CACNA1E: variants seen among roughly 807,000 people sequenced by gnomAD.
The protein encoded by CACNA1E is voltage-dependent R-type calcium channel subunit alpha-1E.
In CACNA1E, 40 loss-of-function variants were observed where a neutral mutation model predicts 259.2. That is an observed-to-expected ratio of 0.15 (90% CI 0.12 to 0.20). CACNA1E has a LOEUF of 0.20. Among genes scored for constraint, CACNA1E ranks in the 10% least tolerant of loss-of-function variants. The pLI is 1.00. For missense variants in CACNA1E, 1,874 were observed against 3,040.1 expected, an observed-to-expected ratio of 0.62 and a Z score of 9.02; for synonymous variants, 1,104 against 1,138.5, an observed-to-expected ratio of 0.97 and a Z score of 0.61.
chr1:181,782,015 A>G (rs1660471476), intron 39 of CACNA1E, among the ~76,000 whole-genome samples: 1 of 152,244 alleles, frequency 6.6e-6, no homozygotes, highest in East Asian at 1.9e-4. Flanking sequence ...AATTTTTAGG[A>G]GAGAGGAAAA....
chr1:181,650,746 A>T (rs961808672), intron 6 of CACNA1E, among the ~76,000 whole-genome samples: 3 of 152,206 alleles, frequency 2.0e-5, no homozygotes, highest in African/African-American at 4.8e-5. Flanking sequence ...AGTGCAAGTG[A>T]TCACTCTTCA....
intron 3 of CACNA1E, among the ~76,000 whole-genome samples, chr1:181,556,678 C>T (rs1648758149): frequency 2.0e-5 from 3 of 152,258 alleles, no homozygotes; most frequent in South Asian, 4.1e-4. Context: ...GGGTGCATGG[C>T]CTCAGACCAC....
chr1:181,476,907 T>C (rs75719825), intron 2 of CACNA1E, among the ~76,000 whole-genome samples: 1,887 of 152,252 alleles, frequency 0.012, 28 homozygotes, highest in African/African-American at 0.043. Context: ...TAGACAGTGA[T>C]GGGCATGGGA....
intron 6 of CACNA1E, among the ~76,000 whole-genome samples, chr1:181,627,390 C>T (rs1345192957): frequency 1.3e-5 from 2 of 152,106 alleles, no homozygotes; most frequent in Non-Finnish European, 2.9e-5. Context: ...GAAATGGTAC[C>T]TGTATCTGGA....
chr1:181,723,058 G>A (rs2102492087), intron 16 of CACNA1E, among the ~76,000 whole-genome samples: 1 of 152,328 alleles, frequency 6.6e-6, no homozygotes, highest in East Asian at 1.9e-4. Context: ...AGGCACTAGA[G>A]TATGGCATAG....
At position 181,732,865 on chromosome 1, in the gene CACNA1E, A is replaced by C. The variant is rs1249717519; in HGVS notation, c.2779A>C (p.Arg927=). 6.2e-7 allele frequency: 1 copy of C among 1,614,022 alleles called. No individual in the cohort carries two copies. The highest frequency in any genetic ancestry group is 8.5e-7 in the Non-Finnish European group (1 of 1,179,874). Residue 927 remains arginine (R), a synonymous_variant, in exon 20 of 48, where the codon AGG becomes CGG. Coordinates refer to ENST00000367573, the MANE Select transcript of CACNA1E (RefSeq NM_001205293.3). This position sits in a 1 kb window ranked among gnomAD's most constrained non-coding sequence, Gnocchi z 5.5. ...SQRRSRHRRV[R]TEGKESSSAS... ...ACGGCGCAGCCGGCATCGCCGCGTC[A>C]GGACAGAAGGCAAGGAGTCCTCTTC...
chr1:181,709,969 T>C (rs1286597852), intron 7 of CACNA1E, among the ~76,000 whole-genome samples: 1 of 152,236 alleles, frequency 6.6e-6, no homozygotes, highest in Non-Finnish European at 1.5e-5. Context: ...GTTAGCAAAC[T>C]GTGATTTATT....
intron 1 of CACNA1E, among the ~76,000 whole-genome samples, chr1:181,353,030 C>T (rs192807230): frequency 2.4e-4 from 36 of 152,242 alleles, no homozygotes; most frequent in African/African-American, 7.5e-4. Flanking sequence ...TCATGCTGCC[C>T]CAGCTTCTGG....
intron 3 of CACNA1E, among the ~76,000 whole-genome samples, chr1:181,555,832 T>C (rs1648658135): frequency 6.6e-6 from 1 of 152,228 alleles, no homozygotes; most frequent in Non-Finnish European, 1.5e-5. Context: ...GGGAGAATTC[T>C]TTTCTACCTG....
intron 1 of CACNA1E, among the ~76,000 whole-genome samples, chr1:181,339,384 G>C (rs1041719903): frequency 2.6e-5 from 4 of 151,568 alleles, no homozygotes; most frequent in Non-Finnish European, 4.4e-5. Context: ...TCACTTCCTT[G>C]GTTAAATTTA....
intron 1 of CACNA1E, among the ~76,000 whole-genome samples, chr1:181,496,735 AG>A (rs1664787337): frequency 6.6e-6 from 1 of 152,216 alleles, no homozygotes; most frequent in African/African-American, 2.4e-5. Flanking sequence ...ATGGAGAATT[AG>A]GATGCACCAC....
At chr1:181,471,365 G>A (rs145376633) in intron 2 of CACNA1E, among the ~76,000 whole-genome samples, 2 of 152,320 alleles carry the variant, frequency 1.3e-5, no homozygotes, top group Admixed American at 6.5e-5. Context: ...TGTGATCTTA[G>A]TGTAGGAACT....
chr1:181,671,859 AT>A, intron 7 of CACNA1E, among the ~76,000 whole-genome samples: 1 of 152,336 alleles, frequency 6.6e-6, no homozygotes, highest in Non-Finnish European at 1.5e-5. Context: ...CAGAACTACC[AT>A]TTGACCCAGC....
intron 2 of CACNA1E, among the ~76,000 whole-genome samples, chr1:181,433,055 C>A (rs1324987250): frequency 6.6e-6 from 1 of 152,192 alleles, no homozygotes; most frequent in South Asian, 2.1e-4. Flanking sequence ...CAGTGTCAGG[C>A]GCTCAGCAGC....
At chr1:181,558,118 C>G (rs1222391558) in intron 3 of CACNA1E, among the ~76,000 whole-genome samples, 3 of 152,158 alleles carry the variant, frequency 2.0e-5, no homozygotes, top group African/African-American at 7.2e-5. Context: ...TGACATTTGT[C>G]TTGGAACACT....
intron 1 of CACNA1E, among the ~76,000 whole-genome samples, chr1:181,402,485 C>T (rs543072954): frequency 3.9e-5 from 6 of 152,318 alleles, no homozygotes; most frequent in African/African-American, 1.4e-4. Flanking sequence ...CTCTTCTTTC[C>T]ATTACCTCTT....
At chr1:181,786,957 A>ATT (rs550797444) in intron 43 of CACNA1E, among the ~76,000 whole-genome samples, 2 of 150,124 alleles carry the variant, frequency 1.3e-5, no homozygotes, top group African/African-American at 4.9e-5. Context: ...GACCAAGGTC[A>ATT]TTTTTTTTTT....
intron 38 of CACNA1E, among the ~76,000 whole-genome samples, chr1:181,777,992 A>G (rs1367354285): frequency 6.6e-6 from 1 of 152,222 alleles, no homozygotes; most frequent in East Asian, 1.9e-4. Context: ...TGTGTGTATA[A>G]AACATGCTCC....
chr1:181,686,740 C>G (rs924710312), intron 7 of CACNA1E, among the ~76,000 whole-genome samples: 2 of 152,148 alleles, frequency 1.3e-5, no homozygotes, highest in African/African-American at 4.8e-5. Flanking sequence ...TTACAAGGCC[C>G]TCCTAATCCA....
Sources: allele counts gnomAD v4.1 joint callset (sites outside exome capture counted in the v4.1 genomes callset), GRCh38; gene constraint gnomAD v4.1.1; non-coding constraint Gnocchi (gnomAD v3.1); transcripts MANE v1.5; gene names NCBI Gene and HGNC (gene_info 2026-07-23, HGNC 2026-07-21).